Variants in NAALAD2 observed in about 807,000 individuals in gnomAD.
NAALAD2 encodes the protein N-acetylated alpha-linked acidic dipeptidase 2.
In NAALAD2, 89 loss-of-function variants were observed where a neutral mutation model predicts 95.6. The ratio of observed to expected loss-of-function variants is 0.93; its 90% confidence interval spans 0.78 to 1.11. NAALAD2 has a LOEUF of 1.11. NAALAD2 is among the 50% of genes least tolerant of loss of function. NAALAD2 has a pLI of 0.00. For missense variants in NAALAD2, 894 were observed against 872.4 expected, an observed-to-expected ratio of 1.02 and a Z score of -0.31; for synonymous variants, 264 against 294.4, an observed-to-expected ratio of 0.90 and a Z score of 1.06.
intron 2 of NAALAD2, among the ~76,000 whole-genome samples, chr11:90,137,229 A>G (rs1303540515): frequency 6.6e-6 from 1 of 152,118 alleles, no homozygotes; most frequent in African/African-American, 2.4e-5. Context: ...AGGGCAGACA[A>G]TACTGAGGGG....
In NAALAD2 at chr11:90,163,330, G is replaced by T. The variant is rs757030867; in HGVS notation, c.1096G>T (p.Gly366Cys). ...VEPDRYVILG[G>C]HRDSWVFGAI... is the part of the protein sequence containing the mutation. ...TCCAGACAGGTATGTTATTCTGGGA[G>T]GTCACCGGGACTCCTGGGTATTTGG... The change falls in exon 10 of 19, where the codon GGT (glycine) becomes TGT (cysteine). Residue 366 changes from glycine to cysteine, a missense_variant. Transcript: ENST00000534061. 1 of 1,613,784 alleles carries T rather than the reference G, an allele frequency of 6.2e-7. No homozygotes were observed. Among genetic ancestry groups the T allele is most frequent in the East Asian group, 2.2e-5 (1 of 44,880 alleles).
intron 18 of NAALAD2, 63 bp from the exon 19 acceptor site, chr11:90,191,492 AAAC>A (rs1212682623): frequency 8.9e-6 from 11 of 1,236,570 alleles, no homozygotes; most frequent in Non-Finnish European, 1.2e-5. Context: ...CATGTGGTCT[AAAC>A]AAAAAGCATG....
intron 18 of NAALAD2, among the ~76,000 whole-genome samples, chr11:90,189,523 C>A (rs1359179943): frequency 6.6e-6 from 1 of 152,164 alleles, no homozygotes; most frequent in African/African-American, 2.4e-5. Context: ...AATCCCAGCA[C>A]TTTGGGAGGT....
At chr11:90,158,008 C>G (rs1429550135) in intron 6 of NAALAD2, 137 bp from the exon 7 acceptor site, 4 of 645,270 alleles carry the variant, frequency 6.2e-6, no homozygotes, top group Non-Finnish European at 8.0e-6. Context: ...TGTGAGCCAC[C>G]ACGCCTGGCC....
intron 18 of NAALAD2, among the ~76,000 whole-genome samples, chr11:90,186,835 TTAAAC>T (rs1186340445): frequency 2.1e-5 from 3 of 142,020 alleles, no homozygotes; most frequent in Admixed American, 7.2e-5. Flanking sequence ...TGGGATCTAA[TTAAAC>T]TAAAGAGCTT....
Position 90,147,367 on chromosome 11 carries a change from C to A in NAALAD2, c.232C>A (p.Gln78Lys). 1.9e-6 allele frequency: 3 copies of A among 1,613,910 alleles called. No homozygotes were observed. The highest frequency in any genetic ancestry group is 1.7e-6 in the Non-Finnish European group (2 of 1,179,942). Reference sequence around the variant, plus strand: ...GCTTCCTCATCTGGCAGGAACAGAACAAAATTTCTTGCTTGCCAAGAAAAT... The same window carrying A: ...GCTTCCTCATCTGGCAGGAACAGAAAAAAATTTCTTGCTTGCCAAGAAAAT... ...TKLPHLAGTEQNFLLAKKIQT... is the reference protein window; with the variant it reads ...TKLPHLAGTEKNFLLAKKIQT... The change falls in exon 3 of 19, where the codon CAA becomes AAA. Residue 78 changes from glutamine (Q) to lysine (K), a missense_variant. Coordinates refer to ENST00000534061, the MANE Select transcript of NAALAD2 (RefSeq NM_005467.4).
In NAALAD2 at chr11:90,149,718, G is replaced by A. The variant is rs143018649; in HGVS notation, c.483+611G>A. On this transcript the variant is annotated intron_variant, in intron 4 of 18. Coordinates refer to ENST00000534061, the MANE Select transcript of NAALAD2 (RefSeq NM_005467.4). ...CTCCCAAAGTGCTGGGATTACAGGC[G>A]TGAGCTACCGCTTCCGCCCAGCAGT... 3.9e-5 allele frequency among the ~76,000 whole-genome samples: 6 copies of A among 152,064 alleles called. No individual in the cohort carries two copies. In the East Asian group the frequency reaches 5.8e-4, roughly 15 times the overall value.
At chr11:90,148,855 G>A (rs1486437513) in intron 3 of NAALAD2, 151 bp from the exon 4 acceptor site, 2 of 458,422 alleles carry the variant, frequency 4.4e-6, no homozygotes, top group Non-Finnish European at 7.9e-6. Context: ...ATAATGATAA[G>A]GCTCTTTCTC....
In NAALAD2 at chr11:90,163,435, C is replaced by A. The variant is rs1952352027; in HGVS notation, c.1195+6C>A. ...TGGAAAACTGATGAGTAAAGGTAAA[C>A]AACCTTTCTTTCCTAGGTGATGACA... On this transcript the variant is annotated splice_donor_region_variant and intron_variant, in intron 10 of 18. Coordinates refer to ENST00000534061, the MANE Select transcript of NAALAD2 (RefSeq NM_005467.4). The A allele has an allele frequency of 1.9e-6, 3 of 1,613,720 alleles. No homozygotes were observed. In the East Asian group the frequency reaches 6.7e-5, roughly 36 times the overall value.
intron 5 of NAALAD2, 137 bp from the exon 6 acceptor site, chr11:90,152,161 C>T (rs537846266): frequency 5.5e-6 from 4 of 731,232 alleles, no homozygotes; most frequent in African/African-American, 5.4e-5. Flanking sequence ...TGTTCAAAGC[C>T]AAGAGAACTG....
intron 8 of NAALAD2, 56 bp from the exon 9 acceptor site, chr11:90,162,891 AAC>A (rs1197478523): frequency 2.0e-6 from 2 of 976,322 alleles, no homozygotes; most frequent in Non-Finnish European, 3.1e-6. Flanking sequence ...TTTATAATAA[AAC>A]ACTGTAAAAA....
At chr11:90,134,627 G>A, upstream of NAALAD2, 1 of 761,596 alleles carries the variant, frequency 1.3e-6, no homozygotes, top group Admixed American at 2.2e-5. Flanking sequence ...GGGTAGGGCG[G>A]AGGCGTGGCC....
In NAALAD2 at chr11:90,191,730, C is replaced by G; in HGVS notation, c.2206C>G (p.Leu736Val). ...TACAATTCAAGCAGCAGCAGGAACT[C>G]TGAAAGAAGTATTATAGAAGGTCTC... ...AFTIQAAAGTLKEVL is the reference protein window; with the variant it reads ...AFTIQAAAGTVKEVL Residue 736 changes from leucine to valine, a missense_variant, in exon 19 of 19, where the codon CTG becomes GTG. Leu to Val is a conservative substitution (Grantham distance 32, BLOSUM62 1). Coordinates refer to ENST00000534061, the MANE Select transcript of NAALAD2 (RefSeq NM_005467.4). 2 of 1,586,218 alleles carry G rather than the reference C, an allele frequency of 1.3e-6. No homozygotes were observed. The highest frequency in any genetic ancestry group is 1.7e-6 in the Non-Finnish European group (2 of 1,167,368).
chr11:90,158,377 A>G (rs1240575295), intron 7 of NAALAD2, 139 bp downstream of exon 7: 2 of 598,948 alleles, frequency 3.3e-6, no homozygotes, highest in South Asian at 4.4e-5. Flanking sequence ...ATAACAGAGT[A>G]TACTATCTTT....
At chr11:90,183,085 A>AT in intron 18 of NAALAD2, 77 bp downstream of exon 18, 1 of 1,013,328 alleles carries the variant, frequency 9.9e-7, no homozygotes. Flanking sequence ...AACTAATGCC[A>AT]TTAGATGGGT....
intron 3 of NAALAD2, 151 bp downstream of exon 3, chr11:90,147,667 A>T (rs1181060504): frequency 1.1e-5 from 8 of 701,336 alleles, no homozygotes; most frequent in South Asian, 2.4e-5. Context: ...CTGAGGCCAG[A>T]ATAAGACTAA....
Position 90,185,874 on chromosome 11 carries a change from T to A in NAALAD2, c.2033+2866T>A, listed in dbSNP as rs376151099. Among the ~76,000 whole-genome samples the A allele has an allele frequency of 7.7e-3, 858 of 111,272 alleles. 9 individuals are homozygous for A. Among genetic ancestry groups the A allele is most frequent in the Non-Finnish European group, 9.6e-3 (438 of 45,714 alleles). 73.0% of individuals were successfully genotyped at this position (111,272 alleles called of 152,430 possible). Reference sequence around the variant, plus strand: ...GGGTAAACACTTTTTTTTTTTTTTTTATATACATTTAAAATTTTATTTGTT... The same window carrying A: ...GGGTAAACACTTTTTTTTTTTTTTTAATATACATTTAAAATTTTATTTGTT... On this transcript the variant is annotated intron_variant, in intron 18 of 18. Coordinates refer to ENST00000534061, the MANE Select transcript of NAALAD2 (RefSeq NM_005467.4).
At chr11:90,180,138 T>A (rs75043873) in intron 16 of NAALAD2, among the ~76,000 whole-genome samples, 2,777 of 152,206 alleles carry the variant, frequency 0.018, 83 homozygotes, top group African/African-American at 0.064. Flanking sequence ...TACCTCTCAC[T>A]AGCCAATCCA....
intron 13 of NAALAD2, among the ~76,000 whole-genome samples, chr11:90,170,717 G>A (rs139232334): frequency 3.3e-5 from 5 of 152,168 alleles, no homozygotes; most frequent in Non-Finnish European, 7.4e-5. Flanking sequence ...AGGAGCATAA[G>A]AAGAGGTTTG....
Sources: allele counts gnomAD v4.1 joint callset (sites outside exome capture counted in the v4.1 genomes callset), GRCh38; gene constraint gnomAD v4.1.1; transcripts MANE v1.5; gene names NCBI Gene and HGNC (gene_info 2026-07-23, HGNC 2026-07-21).